Variants in MINDY3 observed in about 807,000 individuals in gnomAD.
MINDY3 encodes MINDY lysine 48 deubiquitinase 3, also known as ubiquitin carboxyl-terminal hydrolase MINDY-3.
MINDY3 carries 38 observed loss-of-function variants against 69.2 expected under a neutral mutation model. The ratio of observed to expected loss-of-function variants is 0.55; its 90% CI spans 0.42 to 0.72. The LOEUF is 0.72. MINDY3 is among the 30% of genes least tolerant of loss of function. The pLI, the probability that MINDY3 is intolerant of heterozygous loss-of-function variation, is 0.00. For synonymous variants in MINDY3, 192 were observed against 180.1 expected (o/e 1.07, Z -0.53); for missense variants, 522 against 519.0 (o/e 1.01, Z -0.06).
intron 7 of MINDY3, 137 bp from the exon 8 acceptor site, chr10:15,833,846 T>G: frequency 1.5e-6 from 1 of 645,614 alleles, no homozygotes; most frequent in Non-Finnish European, 2.7e-6. Context: ...ACCTTACATT[T>G]TCAATTTTAT....
intron 4 of MINDY3, among the ~76,000 whole-genome samples, chr10:15,840,425 C>T (rs773350595): frequency 3.3e-5 from 5 of 151,506 alleles, no homozygotes; most frequent in Non-Finnish European, 7.4e-5. Flanking sequence ...TAGAATTTGC[C>T]AGGCTTAAGG....
chr10:15,791,938 G>A (rs1486371910), intron 11 of MINDY3, among the ~76,000 whole-genome samples: 3 of 152,076 alleles, frequency 2.0e-5, no homozygotes, highest in African/African-American at 7.2e-5. Flanking sequence ...ACTGGACACT[G>A]CAGGAAGAGA....
chr10:15,836,054 T>C (rs1413458994), intron 6 of MINDY3, among the ~76,000 whole-genome samples: 2 of 152,100 alleles, frequency 1.3e-5, no homozygotes, highest in African/African-American at 4.8e-5. Flanking sequence ...ACCTACTCTT[T>C]GTACAGTGTA....
chr10:15,846,915 G>C (rs542666973), intron 2 of MINDY3, among the ~76,000 whole-genome samples: 4 of 151,936 alleles, frequency 2.6e-5, no homozygotes, highest in African/African-American at 9.7e-5. Flanking sequence ...AGTAGAGACG[G>C]GGTTTCACCA....
chr10:15,795,275 G>C (rs1330987990), intron 11 of MINDY3, among the ~76,000 whole-genome samples: 2 of 152,020 alleles, frequency 1.3e-5, no homozygotes, highest in Non-Finnish European at 2.9e-5. Flanking sequence ...CTAGCCTAAA[G>C]TTATCTGCTA....
chr10:15,823,183 T>C (rs183505242), intron 8 of MINDY3, among the ~76,000 whole-genome samples: 17 of 152,344 alleles, frequency 1.1e-4, no homozygotes, highest in African/African-American at 3.6e-4. Flanking sequence ...CCAAAATTAA[T>C]AGAAGGTGCA....
chr10:15,824,593 G>C (rs1314595911), intron 8 of MINDY3, among the ~76,000 whole-genome samples: 1 of 152,096 alleles, frequency 6.6e-6, no homozygotes, highest in Non-Finnish European at 1.5e-5. Context: ...TCATATCTTC[G>C]CAAACTTTTC....
intron 12 of MINDY3, among the ~76,000 whole-genome samples, chr10:15,788,031 CA>C (rs1306418472): frequency 6.6e-6 from 1 of 151,442 alleles, no homozygotes; most frequent in Non-Finnish European, 1.5e-5. Flanking sequence ...TCTGATAAAA[CA>C]AGGAAAATTA....
At chr10:15,785,584 AG>A (rs59124459) in intron 13 of MINDY3, among the ~76,000 whole-genome samples, 18,621 of 152,116 alleles carry the variant, frequency 0.12, 2,570 homozygotes, top group African/African-American at 0.34. Flanking sequence ...ATCACACTGA[AG>A]GGTCTAATGT....
intron 2 of MINDY3, among the ~76,000 whole-genome samples, chr10:15,847,131 C>T (rs995075704): frequency 5.1e-4 from 78 of 152,264 alleles, no homozygotes; most frequent in African/African-American, 1.7e-3. Context: ...ATTTTTATAA[C>T]AGTTCTTTTA....
chr10:15,799,032 A>G (rs1838058253), intron 10 of MINDY3, among the ~76,000 whole-genome samples: 4 of 152,020 alleles, frequency 2.6e-5, no homozygotes, highest in African/African-American at 9.7e-5. Flanking sequence ...TTTTATAGTA[A>G]ATTTTTATGT....
At chr10:15,850,698 G>A (rs1834222054) in intron 1 of MINDY3, among the ~76,000 whole-genome samples, 1 of 152,136 alleles carries the variant, frequency 6.6e-6, no homozygotes, top group Admixed American at 6.5e-5. Flanking sequence ...AGTACAACAT[G>A]AAACTTCATC....
chr10:15,817,222 A>G, intron 9 of MINDY3: 2 of 230,980 alleles, frequency 8.7e-6, no homozygotes, highest in Non-Finnish European at 1.7e-5. Flanking sequence ...CCTAGATAAA[A>G]TGACCACTTC....
chr10:15,796,577 T>G (rs1197456553), intron 10 of MINDY3, among the ~76,000 whole-genome samples: 1 of 151,952 alleles, frequency 6.6e-6, no homozygotes, highest in Non-Finnish European at 1.5e-5. Context: ...ATACTCCAGT[T>G]TTCAAATATT....
chr10:15,782,720 A>G (rs894170995), intron 13 of MINDY3, among the ~76,000 whole-genome samples: 8 of 152,200 alleles, frequency 5.3e-5, no homozygotes, highest in African/African-American at 1.9e-4. Flanking sequence ...ATATTTGAAT[A>G]TTGTCAACCA....
At chr10:15,844,738 T>C (rs1418016797) in intron 2 of MINDY3, among the ~76,000 whole-genome samples, 3 of 152,218 alleles carry the variant, frequency 2.0e-5, no homozygotes, top group Non-Finnish European at 4.4e-5. Context: ...TTAAAATTCC[T>C]ACCCACAAAT....
chr10:15,798,567 G>A (rs926751733), intron 10 of MINDY3, among the ~76,000 whole-genome samples: 1 of 151,788 alleles, frequency 6.6e-6, no homozygotes, highest in Admixed American at 6.6e-5. Context: ...AACGAGGTCA[G>A]GACTTAGTTA....
chr10:15,812,406 T>C (rs1454883323), intron 10 of MINDY3, among the ~76,000 whole-genome samples: 2 of 152,226 alleles, frequency 1.3e-5, no homozygotes, highest in Non-Finnish European at 2.9e-5. Flanking sequence ...TTAAATTCAA[T>C]ACAGCTTCTG....
chr10:15,830,373 C>T (rs1840374428), intron 8 of MINDY3, among the ~76,000 whole-genome samples: 1 of 152,190 alleles, frequency 6.6e-6, no homozygotes, highest in South Asian at 2.1e-4. Context: ...CTGTGATAAT[C>T]ATTCCCGTTG....
Sources: allele counts gnomAD v4.1 joint callset (sites outside exome capture counted in the v4.1 genomes callset), GRCh38; gene constraint gnomAD v4.1.1; transcripts MANE v1.5; gene names NCBI Gene and HGNC (gene_info 2026-07-23, HGNC 2026-07-21).